CCDC91: variants seen among roughly 807,000 people sequenced by gnomAD.
CCDC91 encodes coiled-coil domain-containing protein 91.
A neutral mutation model predicts 63.2 loss-of-function variants in CCDC91; 48 were observed. The ratio of observed to expected loss-of-function variants is 0.76; its 90% CI spans 0.60 to 0.97. The LOEUF (loss-of-function observed/expected upper bound fraction) is 0.97, where lower values mean the gene tolerates loss of function less well. Ranked by LOEUF, CCDC91 falls within the 50% of genes least tolerant of loss-of-function variation. The pLI, the probability that CCDC91 is intolerant of heterozygous loss-of-function variation, is 0.00. For missense variants in CCDC91, 500 were observed against 494.6 expected, an observed-to-expected ratio of 1.01 and a Z score of -0.10; for synonymous variants, 167 against 165.8, an observed-to-expected ratio of 1.01 and a Z score of -0.06.
chr12:28,267,928 A>G (rs1947439787), intron 3 of CCDC91, among the ~76,000 whole-genome samples: 1 of 101,888 alleles, frequency 9.8e-6, no homozygotes, highest in Non-Finnish European at 1.8e-5. Context: ...TATTATAATT[A>G]TATATAATTA....
At chr12:28,233,367 A>G (rs1944732533) in intron 1 of CCDC91, among the ~76,000 whole-genome samples, 1 of 152,140 alleles carries the variant, frequency 6.6e-6, no homozygotes, top group Admixed American at 6.6e-5. Flanking sequence ...TTACTGGCTT[A>G]ATTTATCCAA....
intron 1 of CCDC91, among the ~76,000 whole-genome samples, chr12:28,196,102 CAA>C (rs1334198690): frequency 5.3e-5 from 8 of 152,166 alleles, no homozygotes; most frequent in Non-Finnish European, 1.2e-4. Flanking sequence ...GAGCCTCTTT[CAA>C]GAGAGAAAAC....
intron 8 of CCDC91, among the ~76,000 whole-genome samples, chr12:28,419,796 G>A (rs1565944197): frequency 2.7e-5 from 4 of 148,718 alleles, no homozygotes; most frequent in Non-Finnish European, 5.9e-5. Context: ...TCACTCCATC[G>A]CCCATGCTGG....
At position 28,514,255 on chromosome 12, in the gene CCDC91, GTCT is replaced by G. The variant is rs1486622990; in HGVS notation, c.1215+30095_1215+30097del. On this transcript the variant is annotated intron_variant, in intron 12 of 12. Transcript: ENST00000536442. The stretch of plus-strand genomic sequence containing the variant: ...TCATACGTCTGTTGGCCACATGTAT[GTCT>G]TCTTTTGAAAAGTGTCTGTTAATGT... 7.9e-5 allele frequency among the ~76,000 whole-genome samples: 12 copies of G among 152,046 alleles called. No individual in the cohort carries two copies. In the East Asian group the frequency reaches 2.3e-3, roughly 30 times the overall value.
intron 12 of CCDC91, among the ~76,000 whole-genome samples, chr12:28,494,593 A>G (rs956878436): frequency 2.6e-5 from 4 of 151,746 alleles, no homozygotes; most frequent in African/African-American, 9.7e-5. Flanking sequence ...GGTTCTGGAC[A>G]CATATGTCAT....
chr12:28,217,314 G>A (rs1298035416), intron 1 of CCDC91, among the ~76,000 whole-genome samples: 1 of 152,052 alleles, frequency 6.6e-6, no homozygotes, highest in Non-Finnish European at 1.5e-5. Context: ...ATATCCTGGG[G>A]TGGTAGTAGT....
intron 8 of CCDC91, among the ~76,000 whole-genome samples, chr12:28,424,078 C>G (rs1258626639): frequency 6.6e-6 from 1 of 152,032 alleles, no homozygotes; most frequent in African/African-American, 2.4e-5. Flanking sequence ...CTGGCTTGCA[C>G]CACCAAGGCT....
chr12:28,215,893 C>T (rs1397092989), intron 1 of CCDC91, among the ~76,000 whole-genome samples: 10 of 151,982 alleles, frequency 6.6e-5, no homozygotes, highest in Admixed American at 2.0e-4. Flanking sequence ...TCATTATGCC[C>T]GTTTTCCCTG....
intron 12 of CCDC91, among the ~76,000 whole-genome samples, chr12:28,541,855 C>T (rs1942651511): frequency 1.3e-5 from 2 of 151,958 alleles, no homozygotes; most frequent in African/African-American, 4.8e-5. Flanking sequence ...TGTTTATTTA[C>T]CATTGAACTC....
At chr12:28,298,035 G>A (rs1202796283) in intron 3 of CCDC91, among the ~76,000 whole-genome samples, 1 of 151,720 alleles carries the variant, frequency 6.6e-6, no homozygotes, top group Non-Finnish European at 1.5e-5. Context: ...TTGTAGCATA[G>A]CAAAAACTGT....
intron 1 of CCDC91, among the ~76,000 whole-genome samples, chr12:28,252,117 G>GT (rs1332003753): frequency 6.6e-6 from 1 of 152,002 alleles, no homozygotes; most frequent in Non-Finnish European, 1.5e-5. Context: ...TTAGTCCATT[G>GT]TTTTTTACCT....
chr12:28,239,827 A>T (rs898372337), intron 1 of CCDC91, among the ~76,000 whole-genome samples: 1 of 152,128 alleles, frequency 6.6e-6, no homozygotes, highest in Non-Finnish European at 1.5e-5. Context: ...ATATGTATTT[A>T]TTTGAGTACT....
intron 12 of CCDC91, among the ~76,000 whole-genome samples, chr12:28,518,210 A>G (rs1202950498): frequency 2.0e-5 from 3 of 152,004 alleles, no homozygotes; most frequent in Non-Finnish European, 4.4e-5. Context: ...GAATCTCCAC[A>G]CTGTTTTCCA....
intron 6 of CCDC91, among the ~76,000 whole-genome samples, chr12:28,329,242 G>C (rs942951912): frequency 7.9e-5 from 12 of 152,110 alleles, no homozygotes; most frequent in African/African-American, 2.9e-4. Context: ...CAAGGTGTTT[G>C]GGTTGGATTT....
chr12:28,298,076 A>G (rs1026092309), intron 3 of CCDC91, among the ~76,000 whole-genome samples: 6 of 151,322 alleles, frequency 4.0e-5, no homozygotes, highest in Non-Finnish European at 8.9e-5. Flanking sequence ...TCTAGTTCTC[A>G]CTTAGAGGGA....
intron 12 of CCDC91, among the ~76,000 whole-genome samples, chr12:28,523,292 T>C (rs370158674): frequency 2.0e-5 from 3 of 152,012 alleles, no homozygotes; most frequent in Admixed American, 6.6e-5. Flanking sequence ...GGATAGTTAG[T>C]TCTTCTTGTT....
rs867956174 is a variant in CCDC91 at position 28,372,114 on chromosome 12, T to A, written c.654+9599T>A. 2.4e-4 allele frequency among the ~76,000 whole-genome samples: 37 copies of A among 152,298 alleles called. 1 individual carries two copies. Among genetic ancestry groups the A allele is most frequent in the African/African-American group, 8.7e-4 (36 of 41,574 alleles). On this transcript the variant is annotated intron_variant, in intron 7 of 12. Transcript: ENST00000536442. ...TAGGGTGTCCTTTCCTCAATTTATG[T>A]TTTTGTATGCTTTATCGAAGATCAC...
At chr12:28,239,201 A>G (rs1222448706) in intron 1 of CCDC91, among the ~76,000 whole-genome samples, 1 of 152,086 alleles carries the variant, frequency 6.6e-6, no homozygotes, top group African/African-American at 2.4e-5. Flanking sequence ...CATATATATG[A>G]GAATACATAT....
intron 3 of CCDC91, among the ~76,000 whole-genome samples, chr12:28,272,727 T>G (rs1463437142): frequency 2.6e-5 from 4 of 152,154 alleles, no homozygotes; most frequent in African/African-American, 2.4e-5. Flanking sequence ...ATTAGTGTGT[T>G]TCTACTGCTA....
Sources: gnomAD v4.1 joint callset for allele counts (sites outside exome capture counted in the v4.1 genomes callset) on GRCh38, gnomAD v4.1.1 for gene constraint, MANE v1.5 for transcripts, NCBI Gene and HGNC (gene_info 2026-07-23, HGNC 2026-07-21) for gene names.